GAREM1: variants seen among roughly 807,000 people sequenced by gnomAD.
GAREM1 encodes the protein GRB2-associated and regulator of MAPK protein 1.
GAREM1 carries 26 observed loss-of-function variants against 71.3 expected under a neutral mutation model. The observed-to-expected ratio is 0.36, with a 90% CI of 0.27 to 0.51. The LOEUF is 0.51. Among genes scored for constraint, GAREM1 ranks in the 20% least tolerant of loss-of-function variants. The pLI is 0.95. For synonymous variants in GAREM1, 440 were observed against 433.2 expected, an observed-to-expected ratio of 1.02 and a Z score of -0.20; for missense variants, 1,026 against 1,103.1, an observed-to-expected ratio of 0.93 and a Z score of 0.99.
chr18:32,296,064 G>T (rs1454261180), intron 3 of GAREM1, among the ~76,000 whole-genome samples: 3 of 151,790 alleles, frequency 2.0e-5, no homozygotes, highest in African/African-American at 7.3e-5. Flanking sequence ...CTAGGTTCAT[G>T]TGATTCTCCT....
chr18:32,340,296 T>C (rs796299850), intron 2 of GAREM1, among the ~76,000 whole-genome samples: 7 of 152,274 alleles, frequency 4.6e-5, no homozygotes, highest in African/African-American at 1.7e-4. Flanking sequence ...CAAAGAAGTA[T>C]GTAATTATAA....
intron 1 of GAREM1, among the ~76,000 whole-genome samples, chr18:32,422,031 C>T (rs1402968094): frequency 6.6e-6 from 1 of 151,930 alleles, no homozygotes; most frequent in Non-Finnish European, 1.5e-5. Context: ...GGTACATGTG[C>T]ACAACATGCA....
intron 2 of GAREM1, among the ~76,000 whole-genome samples, chr18:32,315,385 C>T (rs1289473191): frequency 6.8e-6 from 1 of 146,742 alleles, no homozygotes; most frequent in African/African-American, 2.5e-5. Context: ...CATCTAAATT[C>T]AATTAAACAT....
chr18:32,274,262 CTTAGAACAGTAACAG>C (rs1220954748), intron 4 of GAREM1, among the ~76,000 whole-genome samples: 1 of 152,164 alleles, frequency 6.6e-6, no homozygotes, highest in Non-Finnish European at 1.5e-5. Flanking sequence ...ATCTCTTACT[CTTAGAACAGTAACAG>C]TTCTATTACT....
intron 3 of GAREM1, among the ~76,000 whole-genome samples, chr18:32,302,877 T>C (rs780494227): frequency 4.6e-5 from 7 of 152,096 alleles, no homozygotes; most frequent in Non-Finnish European, 1.0e-4. Context: ...CTGAAATCCT[T>C]CTCCCCACAT....
chr18:32,401,400 C>T (rs527445389), intron 1 of GAREM1, among the ~76,000 whole-genome samples: 45 of 151,736 alleles, frequency 3.0e-4, no homozygotes, highest in African/African-American at 1.0e-3. Context: ...AACTTAATAA[C>T]TGCTAAGTTT....
At chr18:32,302,485 G>C (rs2144502859) in intron 3 of GAREM1, among the ~76,000 whole-genome samples, 1 of 152,220 alleles carries the variant, frequency 6.6e-6, no homozygotes, top group South Asian at 2.1e-4. Context: ...CAATTAAAAA[G>C]AGGCACTTCT....
At chr18:32,431,637 C>A (rs539797420) in intron 1 of GAREM1, among the ~76,000 whole-genome samples, 2 of 152,134 alleles carry the variant, frequency 1.3e-5, no homozygotes, top group South Asian at 4.1e-4. Context: ...CAAAAATAAA[C>A]AAATAAATAA....
At chr18:32,330,612 A>G (rs1157484842) in intron 2 of GAREM1, among the ~76,000 whole-genome samples, 1 of 149,108 alleles carries the variant, frequency 6.7e-6, no homozygotes, top group African/African-American at 2.5e-5. Context: ...GTTTATGTAA[A>G]TTTAAAGTAT....
intron 1 of GAREM1, among the ~76,000 whole-genome samples, chr18:32,459,509 T>C (rs1046983740): frequency 1.3e-5 from 2 of 152,138 alleles, no homozygotes; most frequent in African/African-American, 4.8e-5. Context: ...TTAATAAAGC[T>C]TTCTGTTACT....
intron 3 of GAREM1, among the ~76,000 whole-genome samples, chr18:32,309,926 T>TA (rs1483124776): frequency 6.6e-6 from 1 of 152,166 alleles, no homozygotes; most frequent in Non-Finnish European, 1.5e-5. Flanking sequence ...GTCCAAATTT[T>TA]AAAAAATATC....
intron 2 of GAREM1, among the ~76,000 whole-genome samples, chr18:32,350,274 T>C (rs2047735298): frequency 6.6e-6 from 1 of 152,204 alleles, no homozygotes; most frequent in Admixed American, 6.5e-5. Flanking sequence ...GAAAGTAATA[T>C]AACCACTTTA....
chr18:32,365,436 T>A (rs1401636680), intron 2 of GAREM1, among the ~76,000 whole-genome samples: 1 of 152,224 alleles, frequency 6.6e-6, no homozygotes, highest in Non-Finnish European at 1.5e-5. Context: ...TCACTATGCA[T>A]ACATATCAAT....
chr18:32,433,965 C>T (rs556087543), intron 1 of GAREM1, among the ~76,000 whole-genome samples: 1 of 152,136 alleles, frequency 6.6e-6, no homozygotes, highest in Admixed American at 6.6e-5. Flanking sequence ...GGCAAAGGAA[C>T]CACAATTGTC....
intron 3 of GAREM1, among the ~76,000 whole-genome samples, chr18:32,303,700 T>C (rs998550086): frequency 1.6e-4 from 25 of 151,982 alleles, no homozygotes; most frequent in African/African-American, 6.0e-4. Flanking sequence ...GGAAGACTGT[T>C]TGAGGCCAGG....
At chr18:32,440,203 T>C (rs1360203901) in intron 1 of GAREM1, among the ~76,000 whole-genome samples, 2 of 152,146 alleles carry the variant, frequency 1.3e-5, no homozygotes, top group African/African-American at 4.8e-5. Flanking sequence ...AATCAAAAAG[T>C]CTTGACATGG....
At chr18:32,270,503 G>T in intron 4 of GAREM1, 120 bp from the exon 5 acceptor site, 1 of 777,556 alleles carries the variant, frequency 1.3e-6, no homozygotes, top group Non-Finnish European at 2.0e-6. Flanking sequence ...GTGTAAGCAT[G>T]GCAGAGAGAA....
intron 4 of GAREM1, among the ~76,000 whole-genome samples, chr18:32,283,670 T>C (rs2046978105): frequency 1.3e-5 from 2 of 152,178 alleles, no homozygotes; most frequent in African/African-American, 4.8e-5. Flanking sequence ...GAGCATCAAA[T>C]GCAAGTTAAT....
At chr18:32,278,843 T>C (rs1004741330) in intron 4 of GAREM1, among the ~76,000 whole-genome samples, 28 of 152,212 alleles carry the variant, frequency 1.8e-4, no homozygotes, top group African/African-American at 6.5e-4. Flanking sequence ...TGATTTACAG[T>C]CAAAATCCTG....
Sources: allele counts gnomAD v4.1 joint callset (sites outside exome capture counted in the v4.1 genomes callset), GRCh38; gene constraint gnomAD v4.1.1; transcripts MANE v1.5; gene names NCBI Gene and HGNC (gene_info 2026-07-23, HGNC 2026-07-21).